MAPDA: variants seen among roughly 807,000 people sequenced by gnomAD.
MAPDA encodes N6,N6-dimethyl-AMP deaminase.
At chr15:43,342,901 G>A in the MAPDA span, 3 of 945,690 alleles carry the variant, frequency 3.2e-6, no homozygotes, top group Non-Finnish European at 4.8e-6. Flanking sequence ...ATAGCATAAA[G>A]TGAAAATGTA....
chr15:43,333,226 A>G, the MAPDA span: 1 of 152,226 alleles, frequency 6.6e-6, no homozygotes, highest in Non-Finnish European at 1.5e-5. Context: ...CCTGGGCAAC[A>G]TGGTGAGACC....
the MAPDA span, among the ~76,000 whole-genome samples, chr15:43,348,303 A>G: frequency 1.3e-5 from 2 of 152,208 alleles, no homozygotes; most frequent in Non-Finnish European, 2.9e-5. Flanking sequence ...TTTCACGCTT[A>G]TCTCTACCAT....
At chr15:43,339,166 A>G in the MAPDA span, among the ~76,000 whole-genome samples, 1 of 152,218 alleles carries the variant, frequency 6.6e-6, no homozygotes, top group Non-Finnish European at 1.5e-5. Context: ...CCGTGGGGCC[A>G]ATGCCATTCA....
the MAPDA span, chr15:43,351,520 C>T: frequency 2.0e-6 from 1 of 509,720 alleles, no homozygotes; most frequent in Non-Finnish European, 3.4e-6. Flanking sequence ...GCTTTAAAAG[C>T]TCCTTAGGTA....
chr15:43,345,369 A>AAG, the MAPDA span, among the ~76,000 whole-genome samples: 243 of 145,030 alleles, frequency 1.7e-3, 15 homozygotes, highest in African/African-American at 4.9e-3. Context: ...AAAAAAAAAA[A>AAG]AAATAGGACA....
chr15:43,349,233 C>T, the MAPDA span: 38 of 1,378,260 alleles, frequency 2.8e-5, no homozygotes, highest in Middle Eastern at 2.7e-4. Context: ...AATATAAGCT[C>T]TATGAGAGCA....
chr15:43,333,076 T>C, the MAPDA span, among the ~76,000 whole-genome samples: 2 of 152,040 alleles, frequency 1.3e-5, no homozygotes, highest in African/African-American at 4.8e-5. Context: ...TAAAGGTCAG[T>C]CTGGAGGATG....
chr15:43,336,654 C>A, the MAPDA span: 1 of 1,569,514 alleles, frequency 6.4e-7, no homozygotes, highest in Non-Finnish European at 8.6e-7. Context: ...AACTATTCAT[C>A]AGCTTACTAG....
At chr15:43,330,615 G>A in the MAPDA span, 1 of 1,127,664 alleles carries the variant, frequency 8.9e-7, no homozygotes, top group East Asian at 2.9e-5. Flanking sequence ...CCTTCCGCCG[G>A]CACTTGTGCG....
the MAPDA span, chr15:43,349,042 C>T: frequency 5.6e-6 from 9 of 1,614,068 alleles, no homozygotes; most frequent in South Asian, 9.9e-5. Context: ...TCGGATACCA[C>T]TGGGTAAGGC....
chr15:43,350,357 C>T, the MAPDA span, among the ~76,000 whole-genome samples: 2 of 151,702 alleles, frequency 1.3e-5, no homozygotes, highest in Non-Finnish European at 2.9e-5. Context: ...GGATTACAGG[C>T]GTGAGTCACC....
At chr15:43,337,697 T>G in the MAPDA span, among the ~76,000 whole-genome samples, 2 of 152,216 alleles carry the variant, frequency 1.3e-5, no homozygotes, top group African/African-American at 4.8e-5. Flanking sequence ...TTTTCCTCTT[T>G]GGTAAAGACT....
At chr15:43,342,692 G>A in the MAPDA span, among the ~76,000 whole-genome samples, 5 of 151,468 alleles carry the variant, frequency 3.3e-5, no homozygotes, top group Admixed American at 6.6e-5. Context: ...AAAGGTTGCA[G>A]TGAGGCAAGA....
the MAPDA span, chr15:43,354,346 T>C: frequency 9.2e-5 from 14 of 152,326 alleles, no homozygotes; most frequent in African/African-American, 3.1e-4. Context: ...CATTATATTA[T>C]TTTCTACCCT....
the MAPDA span, among the ~76,000 whole-genome samples, chr15:43,339,908 A>G: frequency 4.8e-3 from 725 of 152,328 alleles, 1 homozygote; most frequent in Non-Finnish European, 6.5e-3. Context: ...CAGTCTACAC[A>G]TACAGATGGT....
chr15:43,345,915 G>T, the MAPDA span: 1 of 1,614,094 alleles, frequency 6.2e-7, no homozygotes, highest in East Asian at 2.2e-5. Context: ...TGTAAAACTT[G>T]CCGAGGAGTT....
the MAPDA span, among the ~76,000 whole-genome samples, chr15:43,334,024 C>T: frequency 3.3e-5 from 5 of 152,236 alleles, no homozygotes; most frequent in African/African-American, 1.2e-4. Flanking sequence ...AAGGAACTTA[C>T]AGTCTGGTGA....
chr15:43,347,845 T>C, the MAPDA span, among the ~76,000 whole-genome samples: 68 of 152,336 alleles, frequency 4.5e-4, 1 homozygote, highest in Non-Finnish European at 7.2e-4. Flanking sequence ...CCAGTACTTG[T>C]ATCTTTCATG....
the MAPDA span, among the ~76,000 whole-genome samples, chr15:43,340,097 G>A: frequency 6.6e-6 from 1 of 152,228 alleles, no homozygotes; most frequent in Non-Finnish European, 1.5e-5. Context: ...GCCCTGCATA[G>A]TCTCCATCAG....
Sources: allele counts gnomAD v4.1 joint callset (sites outside exome capture counted in the v4.1 genomes callset), GRCh38; gene constraint gnomAD v4.1.1; transcripts MANE v1.5; gene names NCBI Gene and HGNC (gene_info 2026-07-23, HGNC 2026-07-21).